The following RBM15 variants were observed in gnomAD, a reference collection of about 807,000 sequenced individuals.
The protein encoded by RBM15 is RNA-binding protein 15.
In RBM15, 8 loss-of-function variants were observed where a neutral mutation model predicts 62.6. The ratio of observed to expected loss-of-function variants is 0.13; its 90% CI spans 0.07 to 0.23. The LOEUF (loss-of-function observed/expected upper bound fraction) is 0.23, where lower values mean the gene tolerates loss of function less well. Among genes scored for constraint, RBM15 ranks in the 10% least tolerant of loss-of-function variants. The probability of loss-of-function intolerance (pLI) is 1.00; values close to 1 mark genes in which losing one functional copy is unlikely to be tolerated. For synonymous variants in RBM15, 606 were observed against 505.7 expected (o/e 1.20, Z -2.66); for missense variants, 1,144 against 1,286.5 (o/e 0.89, Z 1.69).
chr1:110,342,379 T>G, intron 1 of RBM15, 111 bp downstream of exon 1: 1 of 754,658 alleles, frequency 1.3e-6, no homozygotes, highest in Non-Finnish European at 2.0e-6. Flanking sequence ...TAGTTGTTAG[T>G]TGTAGCATTT....
chr1:110,346,451 A>G lies in RBM15; in HGVS notation c.*184A>G. On this transcript the variant is annotated 3_prime_UTR_variant, in exon 3 of 3. Transcript: ENST00000369784. Reference sequence around the variant, plus strand: ...GTTTAGTATTTGTGCATTTTACTAAAATGGCAGCTTAAAGTTGTGTATCTG... The same window carrying G: ...GTTTAGTATTTGTGCATTTTACTAAGATGGCAGCTTAAAGTTGTGTATCTG... 8.2e-7 allele frequency: 1 copy of G among 1,214,026 alleles called. No individual in the cohort carries two copies. The highest frequency in any genetic ancestry group is 1.2e-6 in the Non-Finnish European group (1 of 843,482). 75.2% of individuals were successfully genotyped at this position (1,214,026 alleles called of 1,614,324 possible). A position where few individuals can be genotyped will look rare whatever the true frequency, so the allele number is the denominator to read the frequency against.
Position 110,341,118 on chromosome 1 carries a change from A to G in RBM15, c.1713A>G (p.Leu571=), listed in dbSNP as rs781699828. 3.1e-6 allele frequency: 5 copies of G among 1,614,106 alleles called. No individual in the cohort carries two copies. Among genetic ancestry groups the G allele is most frequent in the Non-Finnish European group, 1.7e-6 (2 of 1,179,992 alleles). The change falls in exon 1 of 3, where the codon TTA becomes TTG. Residue 571 remains leucine, a synonymous_variant. Coordinates refer to ENST00000369784, the MANE Select transcript of RBM15 (RefSeq NM_022768.5). The surrounding 1 kb of genome is among the most constrained non-coding windows in gnomAD (Gnocchi z 4.5). The stretch of plus-strand genomic sequence containing the variant: ...GTGCTCGGGATAGGACACCACCCTT[A>G]CTATACAGAGATCGTGATAGGGACC... The part of the protein sequence containing the change: ...LRGARDRTPP[L]LYRDRDRDLY...
rs1433063066 is a variant in RBM15, at chr1:110,339,788, C to T, written c.383C>T (p.Ser128Phe). Reference protein sequence around the residue: ...SSSSRLHSYSSPSTKNSSGGG... With the variant: ...SSSSRLHSYSFPSTKNSSGGG... ...AGTAGCCGCTTGCATAGTTATAGCT[C>T]CCCGAGCACCAAAAATTCTTCGGGC... The change falls in exon 1 of 3, where the codon TCC becomes TTC. Residue 128 changes from serine (S) to phenylalanine (F), a missense_variant. Physicochemically the swap from Ser to Phe is radical, Grantham distance 155. Around this residue, in one of 8 missense-constraint regions of RBM15, gnomAD observed 298 missense variants for 250.0 expected, o/e 1.19. Coordinates refer to ENST00000369784, the MANE Select transcript of RBM15 (RefSeq NM_022768.5). 3 of 1,604,024 alleles carry T rather than the reference C, an allele frequency of 1.9e-6. No homozygotes were observed. The highest frequency in any genetic ancestry group is 2.6e-6 in the Non-Finnish European group (3 of 1,172,630).
chr1:110,340,963 C>A lies in RBM15; in HGVS notation c.1558C>A (p.Arg520=). 1 of 1,614,196 alleles carries A rather than the reference C, an allele frequency of 6.2e-7. No individual in the cohort carries two copies. Among genetic ancestry groups the A allele is most frequent in the Non-Finnish European group, 8.5e-7 (1 of 1,180,042 alleles). ...GGGCTTCCCACTTGGTGGCCCAGATCGACGCCTTAGAGTAGACTTTGCCGA... is the reference window on the plus strand; with the variant it reads ...GGGCTTCCCACTTGGTGGCCCAGATAGACGCCTTAGAGTAGACTTTGCCGA... ...MRGFPLGGPD[R]RLRVDFADTE... The change falls in exon 1 of 3, where the codon CGA becomes AGA. Residue 520 remains arginine, a synonymous_variant. Transcript: ENST00000369784. The surrounding 1 kb of genome is among the most constrained non-coding windows in gnomAD (Gnocchi z 5.8).
At position 110,339,849 on chromosome 1, in the gene RBM15, C is replaced by CG. The variant is rs1557890664; in HGVS notation, c.448dup (p.Glu150GlyfsTer33). Reference sequence around the variant, plus strand: ...CGCGCAGCAGCTCCCGGGGTGGAGGCGGGGAGTCACGTTCCTCTGGGGCCG... The same window carrying CG: ...CGCGCAGCAGCTCCCGGGGTGGAGGCGGGGGAGTCACGTTCCTCTGGGGCCG... On this transcript the variant is annotated frameshift_variant, in exon 1 of 3. Transcript: ENST00000369784. LOFTEE classifies it high-confidence loss of function. 6.3e-7 allele frequency: 1 copy of CG among 1,598,520 alleles called. No homozygotes were observed. The highest frequency in any genetic ancestry group is 8.6e-7 in the Non-Finnish European group (1 of 1,168,932).
chr1:110,346,167 G>C, intron 2 of RBM15, 141 bp from the exon 3 acceptor site: 1 of 744,904 alleles, frequency 1.3e-6, no homozygotes, highest in Non-Finnish European at 2.2e-6. Flanking sequence ...GGTATTATTG[G>C]TGCTTTTTGA....
At position 110,340,914 on chromosome 1, in the gene RBM15, G is replaced by C. The variant is rs143285609; in HGVS notation, c.1509G>C (p.Ala503=). 4.3e-6 allele frequency: 7 copies of C among 1,614,208 alleles called. No homozygotes were observed. In the Admixed American group the frequency reaches 1.2e-4, roughly 27 times the overall value. The change falls in exon 1 of 3, where the codon GCG becomes GCC. Residue 503 remains alanine, a synonymous_variant. Transcript: ENST00000369784. The surrounding 1 kb of genome is among the most constrained non-coding windows in gnomAD (Gnocchi z 5.8). ...AYIQYESLDA[A]HAAWTHMRGF... ...TCCAGTATGAAAGCCTGGATGCAGC[G>C]CATGCTGCCTGGACCCATATGCGGG...
At chr1:110,346,209 TA>T (rs1188498441) in intron 2 of RBM15, 98 bp from the exon 3 acceptor site, 1 of 1,253,060 alleles carries the variant, frequency 8.0e-7, no homozygotes, top group African/African-American at 1.5e-5. Context: ...AAGGTCTTGT[TA>T]ATGTTATGTT....
intron 1 of RBM15, 125 bp from the exon 2 acceptor site, chr1:110,345,414 C>T (rs1455339726): frequency 2.7e-6 from 2 of 737,050 alleles, no homozygotes; most frequent in Admixed American, 2.3e-5. Flanking sequence ...ATATAGGAAC[C>T]AATCACCAAA....
chr1:110,345,157 A>G (rs1660874404), intron 1 of RBM15, among the ~76,000 whole-genome samples: 1 of 152,144 alleles, frequency 6.6e-6, no homozygotes. Flanking sequence ...GGTTATAAGC[A>G]TTTGTCACCT....
Position 110,339,486 on chromosome 1 carries a change from G to T in RBM15, c.81G>T (p.Ala27=), listed in dbSNP as rs777564530. 6 of 1,575,556 alleles carry T rather than the reference G, an allele frequency of 3.8e-6. No homozygotes were observed. Among genetic ancestry groups the T allele is most frequent in the Non-Finnish European group, 5.2e-6 (6 of 1,157,270 alleles). ...RRAVPLCETS[A]GRRVTQLRGD... is the part of the protein sequence containing the mutation. The stretch of plus-strand genomic sequence containing the variant: ...CGGTTCCGCTGTGTGAAACGAGCGC[G>T]GGGCGGCGGGTTACTCAGCTCCGCG... The change falls in exon 1 of 3, where the codon GCG becomes GCT. Residue 27 remains alanine (A), a synonymous_variant. Coordinates refer to ENST00000369784, the MANE Select transcript of RBM15 (RefSeq NM_022768.5).
At chr1:110,343,068 T>C (rs1438529753) in intron 1 of RBM15, among the ~76,000 whole-genome samples, 1 of 152,206 alleles carries the variant, frequency 6.6e-6, no homozygotes, top group Non-Finnish European at 1.5e-5. Context: ...TTTTACTGAC[T>C]TTTTCAGAGA....
rs3738751 is a variant in RBM15 at position 110,341,295 on chromosome 1, A to G, written c.1890A>G (p.Arg630=). ...GWSLDRDRGD[R]DLPSSRDQPR... ...CCTTGGACCGGGACAGAGGTGATCG[A>G]GATCTGCCCAGCAGCAGAGACCAGC... Residue 630 remains arginine, a synonymous_variant, in exon 1 of 3, where the codon CGA becomes CGG. Coordinates refer to ENST00000369784, the MANE Select transcript of RBM15 (RefSeq NM_022768.5). This position sits in a 1 kb window ranked among gnomAD's most constrained non-coding sequence, Gnocchi z 4.5. 0.013 allele frequency: 21,292 copies of G among 1,614,046 alleles called. 1,881 individuals carry two copies. In the East Asian group the frequency reaches 0.27, roughly 20 times the overall value.
At position 110,339,746 on chromosome 1, in the gene RBM15, C is replaced by T. The variant is rs771395535; in HGVS notation, c.341C>T (p.Thr114Ile). The T allele has an allele frequency of 6.2e-7, 1 of 1,612,094 alleles. No individual in the cohort carries two copies. Among genetic ancestry groups the T allele is most frequent in the Non-Finnish European group, 8.5e-7 (1 of 1,179,316 alleles). The change falls in exon 1 of 3, where the codon ACC (threonine) becomes ATC (isoleucine). Residue 114 changes from threonine to isoleucine, a missense_variant. Physicochemically the swap from Thr to Ile is moderately conservative, Grantham distance 89 (BLOSUM62 -1). Around this residue, in one of 8 missense-constraint regions of RBM15, gnomAD observed 298 missense variants for 250.0 expected, o/e 1.19. Coordinates refer to ENST00000369784, the MANE Select transcript of RBM15 (RefSeq NM_022768.5). ...SSRGGSREYD[T>I]GGGSSSSRLH... Reference sequence around the variant, plus strand: ...CGAGGTGGCAGCCGCGAGTATGATACCGGTGGGGGCAGCTCCAGTAGCCGC... The same window carrying T: ...CGAGGTGGCAGCCGCGAGTATGATATCGGTGGGGGCAGCTCCAGTAGCCGC...
chr1:110,343,344 G>GTAGTGA (rs1397680233), intron 1 of RBM15, among the ~76,000 whole-genome samples: 1 of 152,096 alleles, frequency 6.6e-6, no homozygotes, highest in Non-Finnish European at 1.5e-5. Context: ...TATTTAAACA[G>GTAGTGA]TAGTGACATT....
In RBM15 at chr1:110,341,653, G is replaced by A; in HGVS notation, c.2248G>A (p.Asp750Asn). The change falls in exon 1 of 3, where the codon GAT becomes AAT. Residue 750 changes from aspartate to asparagine, a missense_variant. By Grantham distance (23) the Asp-to-Asn change is conservative. Around this residue, in one of 8 missense-constraint regions of RBM15, gnomAD observed 360 missense variants for 342.9 expected, o/e 1.05. Coordinates refer to ENST00000369784, the MANE Select transcript of RBM15 (RefSeq NM_022768.5). The surrounding 1 kb of genome is among the most constrained non-coding windows in gnomAD (Gnocchi z 4.5). ...CCCTCTGAAAAAAGAAGACCGCTCT[G>A]ATGGGAGTGCACCTAGCACCAGCAC... is the stretch of plus-strand genomic sequence containing the variant. ...KSPLKKEDRS[D>N]GSAPSTSTAS... The A allele has an allele frequency of 6.2e-7, 1 of 1,614,150 alleles. No homozygotes were observed. The highest frequency in any genetic ancestry group is 1.1e-5 in the South Asian group (1 of 91,080).
chr1:110,345,800 CAT>C (rs1313397824), intron 2 of RBM15, among the ~76,000 whole-genome samples, 151 bp downstream of exon 2: 1 of 152,106 alleles, frequency 6.6e-6, no homozygotes, highest in East Asian at 1.9e-4. Flanking sequence ...TCTTTGGTAA[CAT>C]AGATGAGGGT....
Position 110,341,909 on chromosome 1 carries a change from T to G in RBM15, c.2504T>G (p.Leu835Arg), listed in dbSNP as rs1184817911. 1 of 1,614,242 alleles carries G rather than the reference T, an allele frequency of 6.2e-7. No individual in the cohort carries two copies. The highest frequency in any genetic ancestry group is 1.7e-5 in the Admixed American group (1 of 60,028). The part of the protein sequence containing the change: ...KVAQLKITQR[L>R]RLDQPKLDEV... Reference sequence around the variant, plus strand: ...GCCCAGCTCAAGATCACTCAGCGTCTCCGTTTGGACCAGCCCAAGTTGGAT... The same window carrying G: ...GCCCAGCTCAAGATCACTCAGCGTCGCCGTTTGGACCAGCCCAAGTTGGAT... The change falls in exon 1 of 3, where the codon CTC becomes CGC. Residue 835 changes from leucine to arginine, a missense_variant. This residue lies in a region of RBM15 where 144 missense variants were observed against 223.3 expected (regional missense o/e 0.64). Coordinates refer to ENST00000369784, the MANE Select transcript of RBM15 (RefSeq NM_022768.5). This position sits in a 1 kb window ranked among gnomAD's most constrained non-coding sequence, Gnocchi z 4.5.
At position 110,339,442 on chromosome 1, in the gene RBM15, A is replaced by C; in HGVS notation, c.37A>C (p.Ser13Arg). 1.3e-6 allele frequency: 2 copies of C among 1,535,922 alleles called. No individual in the cohort carries two copies. The highest frequency in any genetic ancestry group is 1.8e-6 in the Non-Finnish European group (2 of 1,139,138). Residue 13 changes from serine to arginine, a missense_variant, in exon 1 of 3, where the codon AGT (serine) becomes CGT (arginine). Around this residue, in one of 8 missense-constraint regions of RBM15, gnomAD observed 298 missense variants for 250.0 expected, o/e 1.19. Coordinates refer to ENST00000369784, the MANE Select transcript of RBM15 (RefSeq NM_022768.5). ...TAGRDPVPRR[S>R]PRWRRAVPLC... ...GGGGCGGGACCCTGTGCCGCGGCGG[A>C]GTCCAAGATGGCGGCGTGCGGTTCC...
Sources: allele counts gnomAD v4.1 joint callset (sites outside exome capture counted in the v4.1 genomes callset), GRCh38; gene constraint gnomAD v4.1.1; regional missense constraint gnomAD v4.1.1; non-coding constraint Gnocchi (gnomAD v3.1); transcripts MANE v1.5; gene names NCBI Gene and HGNC (gene_info 2026-07-23, HGNC 2026-07-21).